The following DDX50 variants were observed in gnomAD, a reference collection of about 807,000 sequenced individuals.
DDX50 encodes ATP-dependent RNA helicase DDX50.
A neutral mutation model predicts 94.8 loss-of-function variants in DDX50; 56 were observed. The observed-to-expected ratio is 0.59, with a 90% CI of 0.48 to 0.74. The LOEUF (loss-of-function observed/expected upper bound fraction) is 0.74, where lower values mean the gene tolerates loss of function less well. DDX50 is among the 30% of genes least tolerant of loss of function. The pLI is 0.00. For missense variants in DDX50, 713 were observed against 881.2 expected, an observed-to-expected ratio of 0.81 and a Z score of 2.42; for synonymous variants, 264 against 295.4, an observed-to-expected ratio of 0.89 and a Z score of 1.09.
chr10:68,929,423 T>C (rs895988753), intron 8 of DDX50, among the ~76,000 whole-genome samples: 1 of 150,700 alleles, frequency 6.6e-6, no homozygotes, highest in Non-Finnish European at 1.5e-5. Flanking sequence ...TTTCTTTCCT[T>C]CTTTTCTTTC....
intron 8 of DDX50, among the ~76,000 whole-genome samples, chr10:68,931,847 C>T (rs541416822): frequency 3.3e-5 from 5 of 152,080 alleles, no homozygotes; most frequent in East Asian, 1.9e-4. Flanking sequence ...CCCTCATCCC[C>T]GCTCCCTTTT....
At chr10:68,931,413 A>ATG (rs1172623258) in intron 8 of DDX50, among the ~76,000 whole-genome samples, 20,030 of 82,934 alleles carry the variant, frequency 0.24, 2,984 homozygotes, top group Non-Finnish European at 0.32. Context: ...ATATATATGT[A>ATG]TATATATATA....
intron 8 of DDX50, among the ~76,000 whole-genome samples, chr10:68,931,422 T>C (rs147458919): frequency 0.29 from 8,503 of 28,914 alleles, 542 homozygotes; most frequent in East Asian, 0.45. Flanking sequence ...TATATATATA[T>C]ATATACACAA....
At chr10:68,942,825 C>A (rs1364767607) in intron 13 of DDX50, among the ~76,000 whole-genome samples, 1 of 151,962 alleles carries the variant, frequency 6.6e-6, no homozygotes, top group Non-Finnish European at 1.5e-5. Context: ...CTATGTTGCC[C>A]AGGCTGGTCT....
intron 8 of DDX50, among the ~76,000 whole-genome samples, chr10:68,926,032 G>T (rs1305716724): frequency 7.0e-6 from 1 of 143,468 alleles, no homozygotes; most frequent in African/African-American, 2.6e-5. Flanking sequence ...AAAAAGATTA[G>T]CCAGTTGTGG....
chr10:68,918,914 A>G (rs1841874190), intron 7 of DDX50, among the ~76,000 whole-genome samples: 2 of 152,176 alleles, frequency 1.3e-5, no homozygotes, highest in South Asian at 4.1e-4. Flanking sequence ...TCTGTCCTAT[A>G]CAGGTGTATC....
intron 8 of DDX50, among the ~76,000 whole-genome samples, chr10:68,933,565 T>A (rs901711074): frequency 2.0e-5 from 3 of 152,180 alleles, no homozygotes. Flanking sequence ...AAACCCTACC[T>A]ATGTAATATC....
chr10:68,909,183 G>GT (rs1304459573), intron 2 of DDX50, among the ~76,000 whole-genome samples: 3 of 152,100 alleles, frequency 2.0e-5, no homozygotes, highest in African/African-American at 7.2e-5. Context: ...CAGCATTGAA[G>GT]TTTGTTTAAA....
chr10:68,920,947 C>CAAA (rs11367137), intron 8 of DDX50, among the ~76,000 whole-genome samples: 4 of 86,128 alleles, frequency 4.6e-5, no homozygotes, highest in Non-Finnish European at 4.8e-5. Context: ...GACTCCATCT[C>CAAA]AAAAAAAAAA....
intron 12 of DDX50, 74 bp downstream of exon 12, chr10:68,937,169 T>C (rs1301339755): frequency 3.6e-6 from 5 of 1,392,530 alleles, no homozygotes; most frequent in African/African-American, 2.9e-5. Context: ...TGTAGTGAAT[T>C]ATTGTGCTTT....
At chr10:68,907,043 G>A (rs1243810356) in intron 2 of DDX50, 36 bp downstream of exon 2, 1 of 1,553,132 alleles carries the variant, frequency 6.4e-7, no homozygotes, top group Non-Finnish European at 8.6e-7. Flanking sequence ...TGACATTGTT[G>A]TTGAACTATA....
intron 4 of DDX50, among the ~76,000 whole-genome samples, chr10:68,912,326 C>T (rs547015955): frequency 4.6e-5 from 7 of 152,044 alleles, no homozygotes; most frequent in Non-Finnish European, 1.0e-4. Flanking sequence ...ATTCTCTCTT[C>T]CTCTCAGTCT....
chr10:68,930,154 G>A (rs1393326772), intron 8 of DDX50, among the ~76,000 whole-genome samples: 1 of 96,152 alleles, frequency 1.0e-5, no homozygotes, highest in Admixed American at 1.6e-4. Flanking sequence ...TTTCGCTCTT[G>A]TCGCCCAAGC....
chr10:68,940,382 A>T (rs1308003388), intron 12 of DDX50, among the ~76,000 whole-genome samples: 5 of 151,192 alleles, frequency 3.3e-5, no homozygotes, highest in Admixed American at 2.0e-4. Flanking sequence ...CTGTCTTAAA[A>T]AAAAAAAAAA....
At chr10:68,940,502 C>T (rs539615567) in intron 12 of DDX50, among the ~76,000 whole-genome samples, 1 of 152,114 alleles carries the variant, frequency 6.6e-6, no homozygotes, top group African/African-American at 2.4e-5. Flanking sequence ...TCACTGCAAC[C>T]TCTGCCTCCT....
At chr10:68,924,019 A>G (rs1348584860) in intron 8 of DDX50, among the ~76,000 whole-genome samples, 1 of 132,820 alleles carries the variant, frequency 7.5e-6, no homozygotes, top group Non-Finnish European at 1.5e-5. Flanking sequence ...GTGTGATGTC[A>G]GCTCACTGTG....
intron 4 of DDX50, among the ~76,000 whole-genome samples, chr10:68,912,424 G>A (rs1032938512): frequency 7.9e-5 from 12 of 152,096 alleles, no homozygotes; most frequent in Non-Finnish European, 1.6e-4. Context: ...CTGTAGTCCA[G>A]GCTGGTTTTG....
At chr10:68,914,299 A>G (rs1841719854) in intron 7 of DDX50, 95 bp downstream of exon 7, 3 of 1,342,774 alleles carry the variant, frequency 2.2e-6, no homozygotes, top group Non-Finnish European at 3.1e-6. Flanking sequence ...GTACCTCTTC[A>G]TGCCTAATCT....
chr10:68,914,214 T>C lies in DDX50; in HGVS notation c.1089+10T>C. 1 of 1,605,934 alleles carries C rather than the reference T, an allele frequency of 6.2e-7. No individual in the cohort carries two copies. ...TGCAACTACTGTGGAAGTAAGTAGCTTTCTAGCATGATAGATTTTAGCTTT... is the reference window on the plus strand; with the variant it reads ...TGCAACTACTGTGGAAGTAAGTAGCCTTCTAGCATGATAGATTTTAGCTTT... On this transcript the variant is annotated intron_variant, in intron 7 of 14. Coordinates refer to ENST00000373585, the MANE Select transcript of DDX50 (RefSeq NM_024045.2).
Sources: gnomAD v4.1 joint callset for allele counts (sites outside exome capture counted in the v4.1 genomes callset) on GRCh38, gnomAD v4.1.1 for gene constraint, MANE v1.5 for transcripts, NCBI Gene and HGNC (gene_info 2026-07-23, HGNC 2026-07-21) for gene names.